RBFOX3: variants seen among roughly 807,000 people sequenced by gnomAD.
RBFOX3 encodes RNA binding protein fox-1 homolog 3.
Under a neutral mutation model 48.7 loss-of-function variants are expected in RBFOX3, and 17 were observed. The observed-to-expected ratio is 0.35, with a 90% CI of 0.24 to 0.52. RBFOX3 has a LOEUF of 0.52. Among genes scored for constraint, RBFOX3 ranks in the 20% least tolerant of loss-of-function variants. The pLI, the probability that RBFOX3 is intolerant of heterozygous loss-of-function variation, is 0.94. For synonymous variants in RBFOX3, 212 were observed against 209.5 expected (o/e 1.01, Z -0.10); for missense variants, 382 against 497.5 (o/e 0.77, Z 2.21).
At chr17:79,320,878 G>C (rs550145525) in intron 2 of RBFOX3, among the ~76,000 whole-genome samples, 1 of 152,138 alleles carries the variant, frequency 6.6e-6, no homozygotes, top group Admixed American at 6.5e-5. Context: ...TAACAGGTAG[G>C]GGGAAAACAG....
intron 2 of RBFOX3, among the ~76,000 whole-genome samples, chr17:79,378,604 G>T (rs1161659054): frequency 2.6e-5 from 4 of 152,168 alleles, no homozygotes; most frequent in Admixed American, 2.6e-4. Context: ...GAACCTCCCA[G>T]GTGCTGGGGC....
intron 4 of RBFOX3, among the ~76,000 whole-genome samples, chr17:79,224,288 T>G (rs1215655756): frequency 6.6e-6 from 1 of 152,156 alleles, no homozygotes; most frequent in East Asian, 1.9e-4. Flanking sequence ...AGTTCTTCTT[T>G]CAGACAGCCT....
chr17:79,656,749 AGAAGGAAGGAAGGAAG>A, the RBFOX3 span, among the ~76,000 whole-genome samples: 3,295 of 51,600 alleles, frequency 0.064, 157 homozygotes, highest in East Asian at 0.073. Context: ...AAAGAAAGAA[AGAAGGAAGGAAGGAAG>A]GAAGGAAGGA....
chr17:79,243,266 C>T lies in RBFOX3; in HGVS notation c.-73-7461G>A, dbSNP rs1600187739. On this transcript the variant is annotated intron_variant, in intron 3 of 14. Transcript: ENST00000693108. This position sits in a 1 kb window ranked among gnomAD's most constrained non-coding sequence, Gnocchi z 7.9. ...TTATTCTGCTCAGGCCAAGCACTCC[C>T]GGATAAACCCTGGAGTGTCAGAGTG... is the stretch of plus-strand genomic sequence containing the variant. Among the ~76,000 whole-genome samples, 2 of 152,100 alleles carry T rather than the reference C, an allele frequency of 1.3e-5. No individual in the cohort carries two copies. The highest frequency in any genetic ancestry group is 1.9e-4 in the East Asian group (1 of 5,162).
intron 3 of RBFOX3, among the ~76,000 whole-genome samples, chr17:79,256,373 C>T (rs751935356): frequency 2.0e-4 from 31 of 152,168 alleles, no homozygotes; most frequent in East Asian, 3.9e-4. Context: ...TTGCTTGTGC[C>T]GGCCACCGGC....
At chr17:79,581,827 G>C (rs920539751) in intron 1 of RBFOX3, among the ~76,000 whole-genome samples, 2 of 152,246 alleles carry the variant, frequency 1.3e-5, no homozygotes, top group African/African-American at 4.8e-5. Flanking sequence ...CACTGCCATG[G>C]AGCATCTGCC....
chr17:79,372,328 C>A (rs1428221676), intron 2 of RBFOX3, among the ~76,000 whole-genome samples: 1 of 123,512 alleles, frequency 8.1e-6, no homozygotes, highest in Non-Finnish European at 1.6e-5. Context: ...TCAAATCCCC[C>A]CCATCCTATG....
intron 3 of RBFOX3, among the ~76,000 whole-genome samples, chr17:79,305,924 C>A (rs1449158581): frequency 2.0e-5 from 3 of 152,190 alleles, no homozygotes; most frequent in African/African-American, 7.2e-5. Context: ...AGCGTAGAGC[C>A]CTGGGCAGCA....
At chr17:79,386,010 T>C (rs12949407) in intron 2 of RBFOX3, among the ~76,000 whole-genome samples, 3 of 145,654 alleles carry the variant, frequency 2.1e-5, no homozygotes, top group African/African-American at 5.2e-5. Flanking sequence ...GGAGCTCCAT[T>C]ACTTCCTATA....
intron 1 of RBFOX3, among the ~76,000 whole-genome samples, chr17:79,507,755 T>C (rs2083380751): frequency 6.6e-6 from 1 of 152,152 alleles, no homozygotes; most frequent in African/African-American, 2.4e-5. Context: ...ACTTCTCTAA[T>C]GACCACCCCA....
intron 1 of RBFOX3, among the ~76,000 whole-genome samples, chr17:79,557,343 C>G (rs937292103): frequency 5.3e-5 from 8 of 151,862 alleles, no homozygotes; most frequent in Admixed American, 5.2e-4. Context: ...CTGTTAGTCT[C>G]TATCTGGTCT....
chr17:79,422,581 G>A (rs2066614233), intron 2 of RBFOX3, among the ~76,000 whole-genome samples: 1 of 152,212 alleles, frequency 6.6e-6, no homozygotes, highest in Admixed American at 6.5e-5. Context: ...TCTGGGCAAG[G>A]CCCAGGGTCC....
intron 2 of RBFOX3, among the ~76,000 whole-genome samples, chr17:79,352,999 T>A (rs1568094442): frequency 6.6e-6 from 1 of 152,194 alleles, no homozygotes; most frequent in Non-Finnish European, 1.5e-5. Flanking sequence ...GCTTGGAGCA[T>A]CCACCTGGAA....
At position 79,117,281 on chromosome 17, in the gene RBFOX3, C is replaced by T. The variant is rs542824915; in HGVS notation, c.-33-1533G>A. ...CCTGCTCAGATGTGGATGGGTCTGA[C>T]GCTCAGCCACCCTGGCAGGGACAGG... On this transcript the variant is annotated intron_variant, in intron 4 of 14. Coordinates refer to ENST00000693108, the MANE Select transcript of RBFOX3 (RefSeq NM_001350451.2). Among the ~76,000 whole-genome samples, 136 of 152,302 alleles carry T rather than the reference C, an allele frequency of 8.9e-4. 1 individual carries two copies. The South Asian group carries it at 9.3e-3, about 10-fold the overall frequency.
the RBFOX3 span, among the ~76,000 whole-genome samples, chr17:79,628,488 T>A: frequency 2.0e-5 from 3 of 152,208 alleles, no homozygotes; most frequent in Non-Finnish European, 4.4e-5. Flanking sequence ...GTGCCCGGGT[T>A]TAGACTGAAG....
At chr17:79,550,583 T>G (rs878880435) in intron 1 of RBFOX3, among the ~76,000 whole-genome samples, 127,165 of 152,174 alleles carry the variant, frequency 0.84, 54,777 homozygotes, top group Non-Finnish European at 0.94. Flanking sequence ...AATGACAAAA[T>G]GACTAAGTGG....
intron 2 of RBFOX3, among the ~76,000 whole-genome samples, chr17:79,337,895 T>C (rs12945963): frequency 0.33 from 50,613 of 151,934 alleles, 9,360 homozygotes; most frequent in South Asian, 0.45. Flanking sequence ...CTCTTTTTCT[T>C]AAATTTTTGC....
rs75278490 is a variant in RBFOX3 at position 79,330,547 on chromosome 17, G to A, written c.-174-22723C>T. Among the ~76,000 whole-genome samples the A allele has an allele frequency of 0.016, 2,188 of 136,918 alleles. 123 individuals carry two copies. In the East Asian group the frequency reaches 0.18, roughly 12 times the overall value. 89.8% of individuals were successfully genotyped at this position (136,918 alleles called of 152,430 possible). ...ATATTCAGGTTCCACACGCTTCTCC[G>A]TTTTACAGAGGCGGGGTTTTCAGGG... On this transcript the variant is annotated intron_variant, in intron 2 of 14. Coordinates refer to ENST00000693108, the MANE Select transcript of RBFOX3 (RefSeq NM_001350451.2).
Position 79,392,612 on chromosome 17 carries a change from T to C in RBFOX3, c.-174-84788A>G, listed in dbSNP as rs902497511. Among the ~76,000 whole-genome samples the C allele has an allele frequency of 2.0e-5, 3 of 152,152 alleles. No homozygotes were observed. The highest frequency in any genetic ancestry group is 7.2e-5 in the African/African-American group (3 of 41,420). ...CAAAATGGGAGCAGAGGGGTGTCAC[T>C]TCCAGCCGAAGTTTGCAGAACCAAC... On this transcript the variant is annotated intron_variant, in intron 2 of 14. Transcript: ENST00000693108. This position sits in a 1 kb window ranked among gnomAD's most constrained non-coding sequence, Gnocchi z 5.0.
Sources: gnomAD v4.1 joint callset for allele counts (sites outside exome capture counted in the v4.1 genomes callset) on GRCh38, gnomAD v4.1.1 for gene constraint, Gnocchi (gnomAD v3.1) non-coding constraint, MANE v1.5 for transcripts, NCBI Gene and HGNC (gene_info 2026-07-23, HGNC 2026-07-21) for gene names.